TRIQK: variants seen among roughly 807,000 people sequenced by gnomAD.
The protein encoded by TRIQK is triple QxxK/R motif containing, also known as triple QxxK/R motif-containing protein.
TRIQK carries 10 observed loss-of-function variants against 10.8 expected under a neutral mutation model. The ratio of observed to expected loss-of-function variants is 0.92; its 90% CI spans 0.57 to 1.57. TRIQK has a LOEUF of 1.57. Ranked by LOEUF, TRIQK falls within the 40% of genes most tolerant of loss-of-function variation. The probability of loss-of-function intolerance (pLI) is 0.00; values close to 1 mark genes in which losing one functional copy is unlikely to be tolerated. For missense variants in TRIQK, 107 were observed against 97.7 expected, an observed-to-expected ratio of 1.09 and a Z score of -0.40; for synonymous variants, 33 against 33.7, an observed-to-expected ratio of 0.98 and a Z score of 0.07.
chr8:92,994,380 CT>C (rs1339252872), intron 1 of TRIQK, among the ~76,000 whole-genome samples: 1 of 149,068 alleles, frequency 6.7e-6, no homozygotes, highest in African/African-American at 2.5e-5. Context: ...CTGCTTACTC[CT>C]TTTTTTCAAC....
At chr8:92,887,778 T>C (rs2130232342) in intron 4 of TRIQK, among the ~76,000 whole-genome samples, 1 of 151,796 alleles carries the variant, frequency 6.6e-6, no homozygotes, top group East Asian at 1.9e-4. Flanking sequence ...ATTTGGCTTA[T>C]AATCAACATG....
chr8:92,950,615 G>A (rs1445670424), intron 2 of TRIQK, among the ~76,000 whole-genome samples: 1 of 151,942 alleles, frequency 6.6e-6, no homozygotes, highest in African/African-American at 2.4e-5. Flanking sequence ...GGTTAATACT[G>A]TTCCTCTTAC....
At chr8:92,906,478 T>C (rs1158936144) in intron 3 of TRIQK, among the ~76,000 whole-genome samples, 1 of 152,068 alleles carries the variant, frequency 6.6e-6, no homozygotes, top group South Asian at 2.1e-4. Context: ...AAACTAAGGT[T>C]CTTGAATTAA....
At chr8:92,915,894 T>C (rs1011337865) in intron 3 of TRIQK, among the ~76,000 whole-genome samples, 3 of 152,146 alleles carry the variant, frequency 2.0e-5, no homozygotes, top group African/African-American at 7.2e-5. Context: ...TTTTGCTTTA[T>C]AGAGCGTACT....
chr8:92,994,406 A>G (rs1303947469), intron 1 of TRIQK, among the ~76,000 whole-genome samples: 4 of 91,872 alleles, frequency 4.4e-5, no homozygotes, highest in Admixed American at 3.9e-4. Flanking sequence ...TAAAAAATTT[A>G]TTTGTTTCAA....
rs1398746066 is a variant in TRIQK at position 92,954,516 on chromosome 8, C to T, written c.-132G>A. The T allele has an allele frequency of 6.6e-6, 1 of 151,842 alleles. No homozygotes were observed. The highest frequency in any genetic ancestry group is 1.5e-5 in the Non-Finnish European group (1 of 67,838). The allele number at this position is 151,842 out of a possible 1,614,324, so 9.4% of individuals were successfully genotyped here. A position where few individuals can be genotyped will look rare whatever the true frequency, so the allele number is the denominator to read the frequency against. ...TAGGTAGCAGTGCTTGCATTCCTGG[C>T]AAATTCAATTCCAAATACCAAAAAT... is the stretch of plus-strand genomic sequence containing the variant. On this transcript the variant is annotated 5_prime_UTR_variant, in exon 2 of 5. Transcript: ENST00000521988.
chr8:92,938,424 G>A (rs756528182), intron 2 of TRIQK, among the ~76,000 whole-genome samples: 1 of 151,896 alleles, frequency 6.6e-6, no homozygotes, highest in Non-Finnish European at 1.5e-5. Flanking sequence ...TACTTTTAAT[G>A]ATTTTTGCAT....
chr8:93,004,030 C>A (rs1813241803), intron 1 of TRIQK, among the ~76,000 whole-genome samples: 1 of 152,182 alleles, frequency 6.6e-6, no homozygotes, highest in Admixed American at 6.5e-5. Context: ...GTGCACAGTG[C>A]AAGCTGTTTG....
intron 2 of TRIQK, 112 bp from the exon 3 acceptor site, chr8:92,917,122 G>C (rs1039067492): frequency 6.5e-6 from 3 of 464,420 alleles, no homozygotes; most frequent in Middle Eastern, 9.6e-4. Flanking sequence ...CAAATACTTT[G>C]ACTTATTTCC....
chr8:93,014,792 G>A (rs1028516761), intron 1 of TRIQK, among the ~76,000 whole-genome samples: 1 of 151,802 alleles, frequency 6.6e-6, no homozygotes, highest in African/African-American at 2.4e-5. Flanking sequence ...TTCACTTTAG[G>A]TAATTGCATT....
At chr8:92,931,519 T>C (rs1228348134) in intron 2 of TRIQK, among the ~76,000 whole-genome samples, 1 of 152,148 alleles carries the variant, frequency 6.6e-6, no homozygotes, top group East Asian at 1.9e-4. Context: ...CATGTAAAGT[T>C]TGGGAAATAG....
At chr8:92,976,320 A>C (rs1430158656) in intron 1 of TRIQK, among the ~76,000 whole-genome samples, 5 of 152,122 alleles carry the variant, frequency 3.3e-5, no homozygotes, top group Middle Eastern at 3.4e-3. Context: ...CATGTATTTT[A>C]AAGCTTTGTC....
rs1809886417 is a variant in TRIQK, at chr8:92,916,932, T to C, written c.58A>G (p.Ile20Val). The C allele has an allele frequency of 6.8e-7, 1 of 1,474,654 alleles. No individual in the cohort carries two copies. The highest frequency in any genetic ancestry group is 2.3e-5 in the Admixed American group (1 of 42,698). 91.3% of individuals were successfully genotyped at this position (1,474,654 alleles called of 1,614,324 possible). Reference protein sequence around the residue: ...KLPVDQYRKQIGKQDYKKTKP... With the variant: ...KLPVDQYRKQVGKQDYKKTKP... ...TCAAAGATAATTCATTGCTTACCAA[T>C]TTGTTTTCTGTACTGATCAACAGGA... Residue 20 changes from isoleucine (I) to valine (V), a missense_variant, in exon 3 of 5, where the codon ATT (isoleucine) becomes GTT (valine). Coordinates refer to ENST00000521988, the MANE Select transcript of TRIQK (RefSeq NM_001171797.2).
At chr8:92,952,977 T>C (rs768901953) in intron 2 of TRIQK, among the ~76,000 whole-genome samples, 6 of 151,992 alleles carry the variant, frequency 3.9e-5, no homozygotes, top group Non-Finnish European at 7.4e-5. Flanking sequence ...GTAGTCTGTG[T>C]GTTGTGTTAA....
chr8:92,977,807 C>A (rs1237767906), intron 1 of TRIQK, among the ~76,000 whole-genome samples: 2 of 152,002 alleles, frequency 1.3e-5, no homozygotes, highest in Admixed American at 1.3e-4. Flanking sequence ...TTTTGAAGTA[C>A]AATTGTCATG....
intron 2 of TRIQK, among the ~76,000 whole-genome samples, chr8:92,942,861 A>G (rs555293016): frequency 6.6e-6 from 1 of 151,954 alleles, no homozygotes; most frequent in Admixed American, 6.6e-5. Flanking sequence ...CGCCTGGCTA[A>G]TTTTTTGTAT....
chr8:92,976,142 A>G (rs912594281), intron 1 of TRIQK, among the ~76,000 whole-genome samples: 6 of 151,968 alleles, frequency 3.9e-5, no homozygotes, highest in African/African-American at 1.4e-4. Flanking sequence ...TTACTTCAAT[A>G]GCATTCTATA....
chr8:92,973,778 C>T (rs963377759), intron 1 of TRIQK: 3 of 152,128 alleles, frequency 2.0e-5, no homozygotes, highest in African/African-American at 2.4e-5. Context: ...CAGTACATTC[C>T]GGTCTAGTAC....
chr8:92,890,398 A>C (rs963090779), intron 4 of TRIQK, among the ~76,000 whole-genome samples: 2 of 151,780 alleles, frequency 1.3e-5, no homozygotes, highest in Non-Finnish European at 2.9e-5. Context: ...TGTCAGTTTG[A>C]AAGTTTTCTG....
Sources: gnomAD v4.1 joint callset for allele counts (sites outside exome capture counted in the v4.1 genomes callset) on GRCh38, gnomAD v4.1.1 for gene constraint, MANE v1.5 for transcripts, NCBI Gene and HGNC (gene_info 2026-07-23, HGNC 2026-07-21) for gene names.